Variants in FGD4 observed in about 807,000 individuals in gnomAD.
FGD4 encodes FYVE, RhoGEF and PH domain-containing protein 4.
FGD4 carries 42 observed loss-of-function variants against 102.0 expected under a neutral mutation model. That is an observed-to-expected ratio of 0.41 (90% CI 0.32 to 0.53). The LOEUF (loss-of-function observed/expected upper bound fraction) is 0.53. Among genes scored for constraint, FGD4 ranks in the 20% least tolerant of loss-of-function variants. FGD4 has a pLI of 0.21. For missense variants in FGD4, 902 were observed against 1,078.2 expected (o/e 0.84, Z 2.29); for synonymous variants, 380 against 375.7 (o/e 1.01, Z -0.13).
At chr12:32,533,741 T>C (rs1442307644) in intron 1 of FGD4, among the ~76,000 whole-genome samples, 1 of 152,356 alleles carries the variant, frequency 6.6e-6, no homozygotes, top group East Asian at 1.9e-4. Context: ...TGACATTTTC[T>C]GATTTTTCAA....
At chr12:32,547,892 G>A (rs1433459471) in intron 1 of FGD4, among the ~76,000 whole-genome samples, 6 of 152,084 alleles carry the variant, frequency 3.9e-5, no homozygotes, top group Non-Finnish European at 8.8e-5. Flanking sequence ...TTTTAGTAGA[G>A]ACGGGGTTTT....
In FGD4 at chr12:32,564,236, G is replaced by A. The variant is rs1944994956; in HGVS notation, c.266G>A (p.Gly89Glu). The change falls in exon 2 of 17, where the codon GGA becomes GAA. Residue 89 changes from glycine (G) to glutamate (E), a missense_variant. Transcript: ENST00000534526. Reference protein sequence around the residue: ...GENVSEEEAQGINGNRPAKHS... With the variant: ...GENVSEEEAQEINGNRPAKHS... ...AATGTATCTGAAGAAGAGGCTCAGG[G>A]AATAAATGGGAACAGGCCAGCAAAA... is the stretch of plus-strand genomic sequence containing the variant. 1 of 1,536,110 alleles carries A rather than the reference G, an allele frequency of 6.5e-7. No homozygotes were observed. Among genetic ancestry groups the A allele is most frequent in the Non-Finnish European group, 8.7e-7 (1 of 1,146,910 alleles).
intron 1 of FGD4, chr12:32,485,920 C>G: frequency 7.9e-7 from 1 of 1,271,396 alleles, no homozygotes; most frequent in Non-Finnish European, 9.9e-7. Context: ...TTCCTTGAGC[C>G]TGCATCACTG....
chr12:32,516,505 A>G (rs185189277), intron 1 of FGD4, among the ~76,000 whole-genome samples: 2 of 152,264 alleles, frequency 1.3e-5, no homozygotes, highest in East Asian at 1.9e-4. Flanking sequence ...TTGAGTATCC[A>G]TGGACTTTTA....
chr12:32,525,376 T>G (rs1305766857), intron 1 of FGD4, among the ~76,000 whole-genome samples: 2 of 152,234 alleles, frequency 1.3e-5, no homozygotes, highest in Non-Finnish European at 2.9e-5. Context: ...TTGGAATGTT[T>G]TAAAAGTATA....
intron 1 of FGD4, among the ~76,000 whole-genome samples, chr12:32,518,853 G>A (rs1002955400): frequency 6.6e-6 from 1 of 151,080 alleles, no homozygotes; most frequent in East Asian, 1.9e-4. Flanking sequence ...GGCAGCTCAC[G>A]CCTGTAATCC....
rs1949118768 is a variant in FGD4 at position 32,611,289 on chromosome 12, T to C, written c.1749+6T>C. On this transcript the variant is annotated splice_donor_region_variant and intron_variant, in intron 10 of 16. Transcript: ENST00000534526. ...AAGAACGCTACCTTTTCTTAGTGAG[T>C]ATTATAGTGTTGGCAAGTCATATAA... 1 of 1,613,954 alleles carries C rather than the reference T, an allele frequency of 6.2e-7. No individual in the cohort carries two copies. The highest frequency in any genetic ancestry group is 1.3e-5 in the African/African-American group (1 of 74,894).
intron 16 of FGD4, 179 bp downstream of exon 16, chr12:32,638,974 C>G: frequency 6.9e-7 from 1 of 1,441,782 alleles, no homozygotes; most frequent in Non-Finnish European, 9.1e-7. Flanking sequence ...CATTTTATAG[C>G]CTATATTTTC....
At chr12:32,448,000 A>G (rs1409665999) in intron 1 of FGD4, among the ~76,000 whole-genome samples, 1 of 152,212 alleles carries the variant, frequency 6.6e-6, no homozygotes, top group Non-Finnish European at 1.5e-5. Flanking sequence ...AACAAACCCT[A>G]AAACCTTTAC....
At chr12:32,458,833 G>T (rs1444875230) in intron 1 of FGD4, among the ~76,000 whole-genome samples, 1 of 152,166 alleles carries the variant, frequency 6.6e-6, no homozygotes, top group African/African-American at 2.4e-5. Flanking sequence ...AATTTGGAGG[G>T]AGTTTTTGTT....
Position 32,576,947 on chromosome 12 carries a change from G to A in FGD4, c.503+498G>A, listed in dbSNP as rs375590130. ...GGGTCTTCTATACCCATTCAGTCCC[G>A]GTTTCCCCTCTCCATATACTCCATC... is the stretch of plus-strand genomic sequence containing the variant. On this transcript the variant is annotated intron_variant, in intron 3 of 16. Coordinates refer to ENST00000534526, the MANE Select transcript of FGD4 (RefSeq NM_001370298.3). Among the ~76,000 whole-genome samples the A allele has an allele frequency of 4.6e-5, 7 of 152,020 alleles. No homozygotes were observed. The East Asian group carries it at 5.8e-4, about 13-fold the overall frequency.
chr12:32,480,125 T>A (rs1430434143), intron 1 of FGD4, among the ~76,000 whole-genome samples: 2 of 151,646 alleles, frequency 1.3e-5, no homozygotes, highest in Non-Finnish European at 2.9e-5. Context: ...TTCTGCTTAT[T>A]TGCCCCAAAT....
chr12:32,412,742 A>T (rs1941255579), intron 1 of FGD4, among the ~76,000 whole-genome samples: 1 of 151,604 alleles, frequency 6.6e-6, no homozygotes, highest in Admixed American at 6.6e-5. Context: ...CACCACACCC[A>T]TCTAATTTTT....
chr12:32,633,921 G>C (rs1262022564), intron 15 of FGD4, among the ~76,000 whole-genome samples: 1 of 152,160 alleles, frequency 6.6e-6, no homozygotes, highest in African/African-American at 2.4e-5. Context: ...GACCTCAGGT[G>C]ATCTGCCCAC....
chr12:32,487,424 G>A (rs970640256), intron 1 of FGD4, among the ~76,000 whole-genome samples: 1 of 151,628 alleles, frequency 6.6e-6, no homozygotes, highest in African/African-American at 2.4e-5. Flanking sequence ...GTTATTATTT[G>A]TTATTATTAT....
intron 1 of FGD4, among the ~76,000 whole-genome samples, chr12:32,448,369 G>T (rs188693026): frequency 5.9e-5 from 9 of 152,232 alleles, no homozygotes; most frequent in Non-Finnish European, 1.0e-4. Context: ...AGAAAAAGGG[G>T]TGCTTGGCTG....
intron 4 of FGD4, among the ~76,000 whole-genome samples, chr12:32,593,274 G>A (rs989081425): frequency 6.6e-6 from 1 of 152,116 alleles, no homozygotes; most frequent in Non-Finnish European, 1.5e-5. Flanking sequence ...TATTATGGTG[G>A]TATTATTATT....
chr12:32,578,011 A>G (rs1946269535), intron 3 of FGD4, among the ~76,000 whole-genome samples: 1 of 152,246 alleles, frequency 6.6e-6, no homozygotes, highest in Non-Finnish European at 1.5e-5. Flanking sequence ...AGATTCCTCT[A>G]CATGAGAACT....
At chr12:32,408,009 T>TTTATTTAG (rs1310256104) in intron 1 of FGD4, among the ~76,000 whole-genome samples, 5 of 143,300 alleles carry the variant, frequency 3.5e-5, no homozygotes, top group Non-Finnish European at 6.0e-5. Context: ...TATTTATTTA[T>TTTATTTAG]TTAGTTTTGA....
Sources: gnomAD v4.1 joint callset for allele counts (sites outside exome capture counted in the v4.1 genomes callset) on GRCh38, gnomAD v4.1.1 for gene constraint, MANE v1.5 for transcripts, NCBI Gene and HGNC (gene_info 2026-07-23, HGNC 2026-07-21) for gene names.